Variants in MED27 observed in about 807,000 individuals in gnomAD.
The protein encoded by MED27 is mediator complex subunit 27, also known as mediator of RNA polymerase II transcription subunit 27.
A neutral mutation model predicts 38.2 loss-of-function variants in MED27; 30 were observed. The ratio of observed to expected loss-of-function variants is 0.79; its 90% confidence interval spans 0.59 to 1.07. The LOEUF (loss-of-function observed/expected upper bound fraction) is 1.07. MED27 is among the 50% of genes least tolerant of loss of function. The pLI, the probability that MED27 is intolerant of heterozygous loss-of-function variation, is 0.00. For synonymous variants in MED27, 122 were observed against 153.5 expected (o/e 0.79, Z 1.52); for missense variants, 289 against 397.5 (o/e 0.73, Z 2.32).
intron 2 of MED27, among the ~76,000 whole-genome samples, chr9:132,023,899 A>T (rs1031958238): frequency 4.6e-5 from 7 of 151,854 alleles, no homozygotes; most frequent in Non-Finnish European, 1.0e-4. Flanking sequence ...TTAAGAAGGA[A>T]TTTTTTTTTA....
intron 6 of MED27, among the ~76,000 whole-genome samples, chr9:131,879,918 T>C (rs7039998): frequency 8.5e-4 from 130 of 152,370 alleles, no homozygotes; most frequent in African/African-American, 2.7e-3. Flanking sequence ...TTTAGAAACG[T>C]TGCCACCGAA....
chr9:132,059,405 T>C (rs1166097870), intron 2 of MED27, among the ~76,000 whole-genome samples: 1 of 152,182 alleles, frequency 6.6e-6, no homozygotes, highest in East Asian at 1.9e-4. Flanking sequence ...CAAGATAAAT[T>C]AAATAAATTA....
intron 3 of MED27, among the ~76,000 whole-genome samples, chr9:132,007,174 A>G (rs1393259418): frequency 6.6e-6 from 1 of 152,192 alleles, no homozygotes; most frequent in Non-Finnish European, 1.5e-5. Flanking sequence ...ACTTCCTTCC[A>G]GCAACACTTG....
Position 131,883,607 on chromosome 9 carries a change from C to T in MED27, c.723+451G>A, listed in dbSNP as rs1839085877. On this transcript the variant is annotated intron_variant, in intron 6 of 7. Transcript: ENST00000292035. The surrounding 1 kb of genome is among the most constrained non-coding windows in gnomAD (Gnocchi z 4.2). ...ATCCCTTGGGCACCAGTGGAGACCG[C>T]TAGGGCTCTGAGAAACCGAGTTTTA... Among the ~76,000 whole-genome samples the T allele has an allele frequency of 6.6e-6, 1 of 152,172 alleles. No individual in the cohort carries two copies. The highest frequency in any genetic ancestry group is 1.5e-5 in the Non-Finnish European group (1 of 68,028).
At chr9:132,062,319 C>T (rs1263233132) in intron 2 of MED27, among the ~76,000 whole-genome samples, 1 of 152,230 alleles carries the variant, frequency 6.6e-6, no homozygotes, top group African/African-American at 2.4e-5. Context: ...CGGGAGCGGG[C>T]AGGTGGCCTG....
At chr9:131,971,979 G>A (rs755520858) in intron 3 of MED27, among the ~76,000 whole-genome samples, 4 of 152,048 alleles carry the variant, frequency 2.6e-5, no homozygotes, top group African/African-American at 4.8e-5. Context: ...GACTACACAG[G>A]CAACTGACAG....
intron 3 of MED27, among the ~76,000 whole-genome samples, chr9:131,965,647 G>A (rs187938886): frequency 1.9e-4 from 29 of 152,308 alleles, no homozygotes; most frequent in Non-Finnish European, 3.4e-4. Context: ...TGACACCACA[G>A]CAGAGCTGAG....
intron 4 of MED27, among the ~76,000 whole-genome samples, chr9:131,928,420 C>CA (rs1462670841): frequency 6.6e-6 from 1 of 152,144 alleles, no homozygotes; most frequent in Non-Finnish European, 1.5e-5. Flanking sequence ...GGTAAGCAAT[C>CA]ACAGTATCTT....
intron 3 of MED27, among the ~76,000 whole-genome samples, chr9:132,009,689 C>A (rs967885840): frequency 1.3e-5 from 2 of 152,176 alleles, no homozygotes; most frequent in African/African-American, 4.8e-5. Flanking sequence ...CCAGAACCAC[C>A]CAAACGAGCC....
At chr9:131,928,424 G>C (rs539515226) in intron 4 of MED27, among the ~76,000 whole-genome samples, 1 of 152,238 alleles carries the variant, frequency 6.6e-6, no homozygotes, top group African/African-American at 2.4e-5. Context: ...AGCAATCACA[G>C]TATCTTGTTT....
At chr9:131,932,876 T>C (rs541852718) in intron 4 of MED27, among the ~76,000 whole-genome samples, 1 of 152,258 alleles carries the variant, frequency 6.6e-6, no homozygotes, top group East Asian at 1.9e-4. Context: ...AACCAAATAC[T>C]ATCAAACTGA....
At chr9:132,026,193 A>G (rs1358069426) in intron 2 of MED27, among the ~76,000 whole-genome samples, 1 of 152,240 alleles carries the variant, frequency 6.6e-6, no homozygotes, top group African/African-American at 2.4e-5. Flanking sequence ...AGGAATATTC[A>G]CGCATCCATC....
chr9:131,939,313 C>T (rs1830741105), intron 4 of MED27, 68 bp downstream of exon 4: 17 of 986,956 alleles, frequency 1.7e-5, no homozygotes, highest in Non-Finnish European at 2.3e-5. Context: ...CAACACAGGA[C>T]CAGAGAGTTA....
intron 3 of MED27, among the ~76,000 whole-genome samples, chr9:131,950,576 G>A (rs182284821): frequency 2.0e-4 from 30 of 152,194 alleles, no homozygotes; most frequent in South Asian, 8.3e-4. Flanking sequence ...AAAAAGAAAC[G>A]CCAAAGAGAA....
chr9:131,993,906 GGT>G (rs1832033772), intron 3 of MED27, among the ~76,000 whole-genome samples: 1 of 152,128 alleles, frequency 6.6e-6, no homozygotes, highest in Non-Finnish European at 1.5e-5. Flanking sequence ...AGTCTGAGCG[GGT>G]GTGTGTGAGT....
chr9:131,997,626 C>G lies in MED27; in HGVS notation c.479+16711G>C, dbSNP rs1168219825. Reference sequence around the variant, plus strand: ...CTAATAAATATATTGCAGCCCAATTCCAACTCAACCTCTGCTTCCTGAGAA... The same window carrying G: ...CTAATAAATATATTGCAGCCCAATTGCAACTCAACCTCTGCTTCCTGAGAA... On this transcript the variant is annotated intron_variant, in intron 3 of 7. Transcript: ENST00000292035. This position sits in a 1 kb window ranked among gnomAD's most constrained non-coding sequence, Gnocchi z 4.0. Among the ~76,000 whole-genome samples the G allele has an allele frequency of 6.6e-6, 1 of 152,192 alleles. No individual in the cohort carries two copies. Among genetic ancestry groups the G allele is most frequent in the Non-Finnish European group, 1.5e-5 (1 of 68,024 alleles).
At chr9:132,028,500 C>G (rs1832876283) in intron 2 of MED27, among the ~76,000 whole-genome samples, 1 of 147,190 alleles carries the variant, frequency 6.8e-6, no homozygotes. Context: ...GCTGAATGAA[C>G]AAATAAATTA....
intron 4 of MED27, among the ~76,000 whole-genome samples, chr9:131,930,216 T>A (rs964699758): frequency 6.6e-6 from 1 of 152,154 alleles, no homozygotes; most frequent in Non-Finnish European, 1.5e-5. Flanking sequence ...CAGATCACTG[T>A]CCAAAACTAG....
intron 6 of MED27, among the ~76,000 whole-genome samples, chr9:131,870,247 G>A (rs1838806634): frequency 6.6e-6 from 1 of 152,234 alleles, no homozygotes; most frequent in Non-Finnish European, 1.5e-5. Context: ...GGTCTACGCT[G>A]CACAGCTCAG....
Sources: allele counts gnomAD v4.1 joint callset (sites outside exome capture counted in the v4.1 genomes callset), GRCh38; gene constraint gnomAD v4.1.1; non-coding constraint Gnocchi (gnomAD v3.1); transcripts MANE v1.5; gene names NCBI Gene and HGNC (gene_info 2026-07-23, HGNC 2026-07-21).